ABCA9: variants seen among roughly 807,000 people sequenced by gnomAD.
ABCA9 encodes the protein ATP-binding cassette sub-family A member 9.
In ABCA9, 183 loss-of-function variants were observed where a neutral mutation model predicts 205.3. The ratio of observed to expected loss-of-function variants is 0.89; its 90% confidence interval spans 0.79 to 1.01. The LOEUF is 1.01. Ranked by LOEUF, ABCA9 falls within the 50% of genes least tolerant of loss-of-function variation. The pLI, the probability that ABCA9 is intolerant of heterozygous loss-of-function variation, is 0.00. For missense variants in ABCA9, 1,805 were observed against 1,912.4 expected, an observed-to-expected ratio of 0.94 and a Z score of 1.05; for synonymous variants, 651 against 683.3, an observed-to-expected ratio of 0.95 and a Z score of 0.74.
chr17:68,976,689 C>G (rs2068900535), intron 37 of ABCA9, among the ~76,000 whole-genome samples: 1 of 152,210 alleles, frequency 6.6e-6, no homozygotes, highest in South Asian at 2.1e-4. Flanking sequence ...TGACTCTACC[C>G]TCAAGTTCAG....
intron 2 of ABCA9, among the ~76,000 whole-genome samples, chr17:69,049,767 C>T (rs980807241): frequency 6.6e-6 from 1 of 152,118 alleles, no homozygotes; most frequent in Non-Finnish European, 1.5e-5. Flanking sequence ...GCCTGTATTA[C>T]TTTATGAATG....
At chr17:69,067,478 C>A in the ABCA9 span, among the ~76,000 whole-genome samples, 1 of 150,810 alleles carries the variant, frequency 6.6e-6, no homozygotes. Flanking sequence ...AGCCCTTGAG[C>A]CTGGGAGGTG....
chr17:69,062,801 C>A (rs1445982480), upstream of ABCA9, among the ~76,000 whole-genome samples: 2 of 152,198 alleles, frequency 1.3e-5, no homozygotes, highest in African/African-American at 2.4e-5. Context: ...GCAGAAGCCA[C>A]TGCGCCCGAC....
intron 28 of ABCA9, 37 bp downstream of exon 28, chr17:68,992,138 C>A: frequency 7.1e-7 from 1 of 1,412,490 alleles, no homozygotes; most frequent in South Asian, 1.3e-5. Flanking sequence ...GAATGAATAT[C>A]AAAATGAAAC....
chr17:68,989,256 T>A lies in ABCA9; in HGVS notation c.3956-138A>T, dbSNP rs79994613. ...TTTCCCTTATTCCTCTCTCTCTCTC[T>A]CACACACACACACACACACACACAC... On this transcript the variant is annotated intron_variant, in intron 30 of 38. Coordinates refer to ENST00000340001, the MANE Select transcript of ABCA9 (RefSeq NM_080283.4). The A allele has an allele frequency of 3.1e-3, 756 of 242,500 alleles. 4 individuals carry two copies. Among genetic ancestry groups the A allele is most frequent in the South Asian group, 0.016 (207 of 12,840 alleles). The allele number at this position is 242,500 out of a possible 1,614,324, so 15.0% of individuals were successfully genotyped here. A position where few individuals can be genotyped will look rare whatever the true frequency, so the allele number is the denominator to read the frequency against.
intron 25 of ABCA9, among the ~76,000 whole-genome samples, chr17:69,007,108 A>T (rs146473976): frequency 0.012 from 1,873 of 152,316 alleles, 14 homozygotes; most frequent in Middle Eastern, 0.061. Context: ...CTGCTGCAAT[A>T]ATGTAATCTA....
At position 69,028,640 on chromosome 17, in the gene ABCA9, C is replaced by A. The variant is rs756787936; in HGVS notation, c.1510G>T (p.Val504Leu). Residue 504 changes from valine (V) to leucine (L), a missense_variant, in exon 12 of 39, where the codon GTG becomes TTG. Transcript: ENST00000340001. The part of the protein sequence containing the change: ...CERVEALKGV[V>L]FDIYEGQITA... Reference sequence around the variant, plus strand: ...ATCTGGCCTTCATATATGTCAAACACCACACCTGGCATGATTTTAAAAAAA... The same window carrying A: ...ATCTGGCCTTCATATATGTCAAACAACACACCTGGCATGATTTTAAAAAAA... 1.3e-6 allele frequency: 2 copies of A among 1,576,612 alleles called. No individual in the cohort carries two copies. The highest frequency in any genetic ancestry group is 1.4e-5 in the African/African-American group (1 of 73,540).
chr17:69,052,500 T>C (rs1417952094), intron 1 of ABCA9, among the ~76,000 whole-genome samples: 1 of 152,134 alleles, frequency 6.6e-6, no homozygotes, highest in African/African-American at 2.4e-5. Context: ...ACTAGGAATT[T>C]GAAACAACAA....
At chr17:68,977,286 G>A (rs1417109750) in intron 37 of ABCA9, among the ~76,000 whole-genome samples, 2 of 151,946 alleles carry the variant, frequency 1.3e-5, no homozygotes, top group Admixed American at 6.6e-5. Context: ...TAATAGATGA[G>A]GGGGGGAAAG....
chr17:69,052,876 C>T (rs1317755380), intron 1 of ABCA9, among the ~76,000 whole-genome samples: 3 of 152,140 alleles, frequency 2.0e-5, no homozygotes, highest in Non-Finnish European at 1.5e-5. Flanking sequence ...GCTAGAGTAG[C>T]TCACAGAACT....
intron 31 of ABCA9, among the ~76,000 whole-genome samples, chr17:68,987,769 TTTTTG>T (rs1386562326): frequency 2.2e-5 from 3 of 136,870 alleles, no homozygotes; most frequent in Non-Finnish European, 5.1e-5. Context: ...TTTGTTTGTT[TTTTTG>T]TTTGAGATGG....
upstream of ABCA9, among the ~76,000 whole-genome samples, chr17:69,061,781 G>T (rs908080882): frequency 6.6e-6 from 1 of 152,184 alleles, no homozygotes; most frequent in Non-Finnish European, 1.5e-5. Flanking sequence ...TAGAAGAAAA[G>T]ACTGTTCCAA....
chr17:69,037,311 G>A (rs969509473), intron 6 of ABCA9, among the ~76,000 whole-genome samples: 40 of 152,056 alleles, frequency 2.6e-4, no homozygotes, highest in African/African-American at 9.2e-4. Flanking sequence ...CTACATAATC[G>A]GAAGTAAAAC....
the ABCA9 span, among the ~76,000 whole-genome samples, chr17:69,076,157 G>C: frequency 2.3e-3 from 352 of 152,220 alleles, 1 homozygote; most frequent in Admixed American, 5.8e-3. Context: ...CTATGGGTTT[G>C]TCATTGATGT....
Position 69,035,212 on chromosome 17 carries a change from T to C in ABCA9, c.1128+34A>G. 4.1e-6 allele frequency: 6 copies of C among 1,459,914 alleles called. No individual in the cohort carries two copies. The South Asian group carries it at 7.9e-5, about 19-fold the overall frequency. 90.4% of individuals were successfully genotyped at this position (1,459,914 alleles called of 1,614,324 possible). On this transcript the variant is annotated intron_variant, in intron 8 of 38. Coordinates refer to ENST00000340001, the MANE Select transcript of ABCA9 (RefSeq NM_080283.4). Reference sequence around the variant, plus strand: ...TAAGAGGGAATCTGTGTAGAACGGTTTGTAAAAAGTGAAAGTGTTACCTTA... The same window carrying C: ...TAAGAGGGAATCTGTGTAGAACGGTCTGTAAAAAGTGAAAGTGTTACCTTA...
At chr17:69,021,685 C>G in intron 18 of ABCA9, 57 bp downstream of exon 18, 39 of 1,054,216 alleles carry the variant, frequency 3.7e-5, no homozygotes, top group Non-Finnish European at 4.6e-5. Flanking sequence ...TTCGTCCTTC[C>G]TTCCTTCCTT....
chr17:68,974,750 A>G lies in ABCA9; in HGVS notation c.*1165T>C, dbSNP rs1361304808. The G allele has an allele frequency of 6.6e-6, 1 of 152,248 alleles. No homozygotes were observed. The highest frequency in any genetic ancestry group is 2.4e-5 in the African/African-American group (1 of 41,464). The allele number at this position is 152,248 out of a possible 1,614,324, so 9.4% of individuals were successfully genotyped here. Reference sequence around the variant, plus strand: ...AAGTTTTAATTATTTGCATAAGAGTATGCCCTTGCATCATAAGAAAACATA... The same window carrying G: ...AAGTTTTAATTATTTGCATAAGAGTGTGCCCTTGCATCATAAGAAAACATA... On this transcript the variant is annotated 3_prime_UTR_variant, in exon 39 of 39. Transcript: ENST00000340001.
the ABCA9 span, among the ~76,000 whole-genome samples, chr17:69,066,386 T>C: frequency 4.6e-5 from 7 of 152,194 alleles, no homozygotes; most frequent in Admixed American, 4.6e-4. Context: ...AGTATCTTTT[T>C]TTTTTCAAGA....
In ABCA9 at chr17:69,016,386, T is replaced by C; in HGVS notation, c.2906A>G (p.His969Arg). Reference sequence around the variant, plus strand: ...TGTATTACATGCTATTGAAAATCTGTGATCCTGAAATACAACAAGTACCAA... The same window carrying C: ...TGTATTACATGCTATTGAAAATCTGCGATCCTGAAATACAACAAGTACCAA... ...AIIVSGDEKD[H>R]RFSIACNTKR... The change falls in exon 22 of 39, where the codon CAC becomes CGC. Residue 969 changes from histidine (H) to arginine (R), a missense_variant. Transcript: ENST00000340001. 6.3e-7 allele frequency: 1 copy of C among 1,579,210 alleles called. No individual in the cohort carries two copies. Among genetic ancestry groups the C allele is most frequent in the Non-Finnish European group, 8.6e-7 (1 of 1,167,448 alleles).
Sources: allele counts gnomAD v4.1 joint callset (sites outside exome capture counted in the v4.1 genomes callset), GRCh38; gene constraint gnomAD v4.1.1; transcripts MANE v1.5; gene names NCBI Gene and HGNC (gene_info 2026-07-23, HGNC 2026-07-21).